Variants in DNAJC1 observed in about 807,000 individuals in gnomAD.
DNAJC1 encodes the protein DnaJ heat shock protein family (Hsp40) member C1, also known as dnaJ homolog subfamily C member 1.
In DNAJC1, 58 loss-of-function variants were observed where a neutral mutation model predicts 76.6. The observed-to-expected ratio is 0.76, with a 90% CI of 0.61 to 0.94. The LOEUF is 0.94. DNAJC1 is among the 40% of genes least tolerant of loss of function. DNAJC1 has a pLI of 0.00. For synonymous variants in DNAJC1, 258 were observed against 267.9 expected, an observed-to-expected ratio of 0.96 and a Z score of 0.36; for missense variants, 689 against 677.3, an observed-to-expected ratio of 1.02 and a Z score of -0.19.
At chr10:21,950,042 CTT>C (rs987144976) in intron 1 of DNAJC1, among the ~76,000 whole-genome samples, 4 of 142,920 alleles carry the variant, frequency 2.8e-5, no homozygotes, top group African/African-American at 2.6e-5. Flanking sequence ...TCCACAGAAT[CTT>C]TTTTTTTTTT....
At chr10:21,962,140 A>G (rs967695258) in intron 1 of DNAJC1, among the ~76,000 whole-genome samples, 4 of 152,122 alleles carry the variant, frequency 2.6e-5, no homozygotes, top group African/African-American at 9.7e-5. Context: ...TAGAATTGTA[A>G]CTAGTACATA....
intron 9 of DNAJC1, among the ~76,000 whole-genome samples, chr10:21,780,117 G>C (rs980062272): frequency 5.9e-5 from 9 of 152,200 alleles, no homozygotes; most frequent in Admixed American, 3.9e-4. Context: ...ATTTACGTCT[G>C]ATTGGTGTAC....
chr10:21,952,296 T>C (rs1327366220), intron 1 of DNAJC1, among the ~76,000 whole-genome samples: 3 of 152,208 alleles, frequency 2.0e-5, no homozygotes, highest in Admixed American at 2.0e-4. Context: ...CATGTCAATT[T>C]CAAACCAAAG....
chr10:21,833,035 G>T (rs997734485), intron 8 of DNAJC1, among the ~76,000 whole-genome samples: 2 of 152,096 alleles, frequency 1.3e-5, no homozygotes, highest in African/African-American at 4.8e-5. Context: ...AAAAATTTTT[G>T]GTTTTTTCCT....
At chr10:21,849,292 C>CAAAAAAAAA (rs33953332) in intron 8 of DNAJC1, among the ~76,000 whole-genome samples, 10 of 35,870 alleles carry the variant, frequency 2.8e-4, no homozygotes, top group East Asian at 8.3e-4. Flanking sequence ...GACTCCGCCT[C>CAAAAAAAAA]AAAAAAAAAA....
intron 7 of DNAJC1, among the ~76,000 whole-genome samples, chr10:21,892,348 G>T (rs926620476): frequency 2.1e-5 from 3 of 144,430 alleles, no homozygotes; most frequent in Non-Finnish European, 3.0e-5. Flanking sequence ...TACACAAATT[G>T]TCTATTTAAC....
At chr10:21,998,720 G>A (rs575482641) in intron 1 of DNAJC1, among the ~76,000 whole-genome samples, 3 of 152,270 alleles carry the variant, frequency 2.0e-5, no homozygotes, top group South Asian at 4.1e-4. Flanking sequence ...TAGAATGGAC[G>A]TGAAATCTAA....
chr10:21,941,268 C>CAAAAAAAAAAAAAA (rs11435502), intron 1 of DNAJC1, among the ~76,000 whole-genome samples: 16 of 43,616 alleles, frequency 3.7e-4, no homozygotes, highest in African/African-American at 7.4e-4. Context: ...GACACTGTCT[C>CAAAAAAAAAAAAAA]AAAAAAAAAA....
rs1004630225 is a variant in DNAJC1 at position 21,971,412 on chromosome 10, CTT to C, written c.222+31799_222+31800del. 4.6e-5 allele frequency among the ~76,000 whole-genome samples: 7 copies of C among 151,694 alleles called. No individual in the cohort carries two copies. In the South Asian group the frequency reaches 8.3e-4, roughly 18 times the overall value. On this transcript the variant is annotated intron_variant, in intron 1 of 11. Coordinates refer to ENST00000376980, the MANE Select transcript of DNAJC1 (RefSeq NM_022365.4). ...ACAAAGAGACATATCTTATTCTTCT[CTT>C]TGTTATGTATTTATAATGACCAACT...
chr10:21,867,217 G>A (rs1478314210), intron 8 of DNAJC1, among the ~76,000 whole-genome samples: 1 of 152,004 alleles, frequency 6.6e-6, no homozygotes, highest in African/African-American at 2.4e-5. Flanking sequence ...GGCAAAAGAT[G>A]GTTCTTTGAA....
intron 8 of DNAJC1, among the ~76,000 whole-genome samples, chr10:21,822,404 A>G (rs1200773340): frequency 6.6e-6 from 1 of 151,928 alleles, no homozygotes; most frequent in Admixed American, 6.6e-5. Flanking sequence ...GCGCCACTGC[A>G]CTCCTGCCTG....
intron 7 of DNAJC1, among the ~76,000 whole-genome samples, chr10:21,886,711 A>G (rs1485196861): frequency 6.6e-6 from 1 of 152,168 alleles, no homozygotes; most frequent in East Asian, 1.9e-4. Context: ...AAACAGAACT[A>G]AAGACAAAAA....
At chr10:21,981,013 A>C (rs1838147166) in intron 1 of DNAJC1, among the ~76,000 whole-genome samples, 1 of 152,092 alleles carries the variant, frequency 6.6e-6, no homozygotes, top group African/African-American at 2.4e-5. Context: ...GATTGCATTA[A>C]ATTTCTCATT....
intron 6 of DNAJC1, among the ~76,000 whole-genome samples, chr10:21,908,251 GAA>G (rs1369164737): frequency 9.3e-5 from 3 of 32,360 alleles, no homozygotes; most frequent in African/African-American, 9.2e-4. Context: ...ATAATATAGA[GAA>G]AATATATATA....
intron 8 of DNAJC1, among the ~76,000 whole-genome samples, chr10:21,828,873 A>AT (rs1424884433): frequency 2.0e-5 from 3 of 152,148 alleles, no homozygotes; most frequent in Non-Finnish European, 2.9e-5. Flanking sequence ...AACTTCAGGA[A>AT]TTTTTTCTCT....
chr10:21,794,223 T>C (rs937425506), intron 9 of DNAJC1, among the ~76,000 whole-genome samples: 1 of 137,016 alleles, frequency 7.3e-6, no homozygotes, highest in African/African-American at 2.8e-5. Flanking sequence ...TTATCTATGA[T>C]CATGCCATTG....
Position 21,805,971 on chromosome 10 carries a change from T to C in DNAJC1, c.1098+9A>G, listed in dbSNP as rs1834878085. The stretch of plus-strand genomic sequence containing the variant: ...TCTCTCTATACAATGCAAATCTCAG[T>C]GAACTCACATCTGTCACAGATCGAC... On this transcript the variant is annotated intron_variant, in intron 9 of 11. Transcript: ENST00000376980. The C allele has an allele frequency of 6.2e-7, 1 of 1,611,400 alleles. No individual in the cohort carries two copies. Among genetic ancestry groups the C allele is most frequent in the Non-Finnish European group, 8.5e-7 (1 of 1,179,452 alleles).
chr10:21,869,215 C>CAAAAAAA (rs552376355), intron 8 of DNAJC1, among the ~76,000 whole-genome samples: 2 of 94,454 alleles, frequency 2.1e-5, no homozygotes, highest in African/African-American at 3.8e-5. Flanking sequence ...GACCATATCT[C>CAAAAAAA]AAAAAAAAAA....
At chr10:21,995,977 C>T (rs557991956) in intron 1 of DNAJC1, among the ~76,000 whole-genome samples, 50 of 152,212 alleles carry the variant, frequency 3.3e-4, no homozygotes, top group African/African-American at 1.1e-3. Context: ...AAATACTATG[C>T]TGTTATTTAA....
Sources: gnomAD v4.1 joint callset for allele counts (sites outside exome capture counted in the v4.1 genomes callset) on GRCh38, gnomAD v4.1.1 for gene constraint, MANE v1.5 for transcripts, NCBI Gene and HGNC (gene_info 2026-07-23, HGNC 2026-07-21) for gene names.